The following NRG3 variants were observed in gnomAD, a reference collection of about 807,000 sequenced individuals.
NRG3 encodes neuregulin 3.
A neutral mutation model predicts 66.9 loss-of-function variants in NRG3; 31 were observed. That is an observed-to-expected ratio of 0.46 (90% CI 0.35 to 0.63). NRG3 has a LOEUF of 0.63. Ranked by LOEUF, NRG3 falls within the 20% of genes least tolerant of loss-of-function variation. The probability of loss-of-function intolerance (pLI) is 0.00; values close to 1 mark genes in which losing one functional copy is unlikely to be tolerated. For missense variants in NRG3, 910 were observed against 878.9 expected, an observed-to-expected ratio of 1.04 and a Z score of -0.45; for synonymous variants, 393 against 359.4, an observed-to-expected ratio of 1.09 and a Z score of -1.06.
intron 1 of NRG3, among the ~76,000 whole-genome samples, chr10:82,214,876 G>C (rs2075584027): frequency 1.3e-5 from 2 of 152,180 alleles, no homozygotes; most frequent in Admixed American, 1.3e-4. Flanking sequence ...GAACAAAGGA[G>C]AGCAGGGAAC....
At chr10:82,060,975 T>C (rs938716981) in intron 1 of NRG3, among the ~76,000 whole-genome samples, 4 of 152,244 alleles carry the variant, frequency 2.6e-5, no homozygotes, top group African/African-American at 9.6e-5. Context: ...GGCCCACCAC[T>C]GCCACTTCCT....
At chr10:82,648,742 C>T (rs997899625) in intron 2 of NRG3, among the ~76,000 whole-genome samples, 3 of 152,056 alleles carry the variant, frequency 2.0e-5, no homozygotes, top group Admixed American at 1.3e-4. Context: ...AGTTGGATTC[C>T]TAGGTATTTT....
chr10:82,303,626 T>G (rs1196557157), intron 1 of NRG3, among the ~76,000 whole-genome samples: 1 of 152,126 alleles, frequency 6.6e-6, no homozygotes, highest in Non-Finnish European at 1.5e-5. Flanking sequence ...TCCCAGCACT[T>G]TGGGAGGCCG....
intron 3 of NRG3, among the ~76,000 whole-genome samples, chr10:82,779,156 T>G (rs2060021614): frequency 6.6e-6 from 1 of 152,082 alleles, no homozygotes; most frequent in Non-Finnish European, 1.5e-5. Context: ...TTTAGAGTAG[T>G]GCAGCCATGT....
At chr10:82,191,347 C>T (rs1263140850) in intron 1 of NRG3, among the ~76,000 whole-genome samples, 2 of 151,912 alleles carry the variant, frequency 1.3e-5, no homozygotes, top group African/African-American at 4.8e-5. Context: ...AAGCCTATGA[C>T]TCTCAAATGA....
chr10:82,611,928 C>A (rs2048342241), intron 2 of NRG3, among the ~76,000 whole-genome samples: 1 of 152,202 alleles, frequency 6.6e-6, no homozygotes, highest in Non-Finnish European at 1.5e-5. Flanking sequence ...TCTCCAGCAT[C>A]TGTTGTTTCT....
At chr10:82,288,613 C>T (rs910630713) in intron 1 of NRG3, among the ~76,000 whole-genome samples, 1 of 152,142 alleles carries the variant, frequency 6.6e-6, no homozygotes, top group Non-Finnish European at 1.5e-5. Flanking sequence ...CTACCACATA[C>T]CACATACTGC....
chr10:82,952,750 TATAGTTTGTG>T (rs1357734014), intron 5 of NRG3, among the ~76,000 whole-genome samples: 1 of 151,850 alleles, frequency 6.6e-6, no homozygotes, highest in Non-Finnish European at 1.5e-5. Flanking sequence ...AATTTCCAGG[TATAGTTTGTG>T]ATACCTGTCT....
At chr10:82,102,005 A>ATATATGTGTG (rs2066752394) in intron 1 of NRG3, among the ~76,000 whole-genome samples, 2 of 143,954 alleles carry the variant, frequency 1.4e-5, no homozygotes, top group Admixed American at 1.4e-4. Flanking sequence ...ATGTGTGCGT[A>ATATATGTGTG]TATATATATA....
At chr10:82,776,328 A>G (rs1360024042) in intron 3 of NRG3, among the ~76,000 whole-genome samples, 1 of 152,032 alleles carries the variant, frequency 6.6e-6, no homozygotes, top group South Asian at 2.1e-4. Context: ...GTCACTTGAC[A>G]TTTTCCTCTT....
intron 5 of NRG3, among the ~76,000 whole-genome samples, chr10:82,958,490 A>G (rs1850292942): frequency 1.3e-5 from 2 of 152,250 alleles, no homozygotes; most frequent in Admixed American, 1.3e-4. Flanking sequence ...GAGAATATAC[A>G]CATTATGGTA....
intron 2 of NRG3, among the ~76,000 whole-genome samples, chr10:82,401,111 A>G (rs183188108): frequency 1.6e-4 from 24 of 152,280 alleles, no homozygotes; most frequent in Non-Finnish European, 2.6e-4. Context: ...GGAATGCAGA[A>G]TATCTATGAG....
At chr10:82,174,304 C>G (rs1383178123) in intron 1 of NRG3, among the ~76,000 whole-genome samples, 2 of 152,050 alleles carry the variant, frequency 1.3e-5, no homozygotes, top group African/African-American at 2.4e-5. Context: ...TCCTCTATCC[C>G]TTTACCTTTA....
chr10:82,888,285 A>T (rs1842881282), intron 4 of NRG3, among the ~76,000 whole-genome samples: 1 of 152,238 alleles, frequency 6.6e-6, no homozygotes, highest in Admixed American at 6.5e-5. Flanking sequence ...CATAGCAAAC[A>T]TTAAAAATAA....
At chr10:82,147,048 G>T (rs2070316405) in intron 1 of NRG3, among the ~76,000 whole-genome samples, 1 of 152,214 alleles carries the variant, frequency 6.6e-6, no homozygotes, top group South Asian at 2.1e-4. Flanking sequence ...GGAATTTCCA[G>T]ACTTTGTCAG....
At chr10:82,011,124 G>T (rs551019104) in intron 1 of NRG3, among the ~76,000 whole-genome samples, 2 of 152,268 alleles carry the variant, frequency 1.3e-5, no homozygotes, top group South Asian at 4.1e-4. Context: ...CTGAGACTGG[G>T]TTATTTATAA....
intron 1 of NRG3, among the ~76,000 whole-genome samples, chr10:81,922,052 C>A (rs530326145): frequency 1.3e-5 from 2 of 152,104 alleles, no homozygotes; most frequent in Non-Finnish European, 2.9e-5. Context: ...AAATGGAATG[C>A]CCCAGGTATT....
intron 3 of NRG3, among the ~76,000 whole-genome samples, chr10:82,810,391 C>T (rs1181630711): frequency 1.3e-5 from 2 of 152,066 alleles, no homozygotes; most frequent in Non-Finnish European, 2.9e-5. Flanking sequence ...GAGTTTTAGG[C>T]TGAGATGTTG....
chr10:81,945,647 G>C (rs1394914815), intron 1 of NRG3, among the ~76,000 whole-genome samples: 1 of 151,946 alleles, frequency 6.6e-6, no homozygotes, highest in Non-Finnish European at 1.5e-5. Flanking sequence ...TGGTGTTTTG[G>C]GTTGAATTGT....
Sources: gnomAD v4.1 joint callset for allele counts (sites outside exome capture counted in the v4.1 genomes callset) on GRCh38, gnomAD v4.1.1 for gene constraint, MANE v1.5 for transcripts, NCBI Gene and HGNC (gene_info 2026-07-23, HGNC 2026-07-21) for gene names.